CACNB2: variants seen among roughly 807,000 people sequenced by gnomAD.
CACNB2 encodes calcium voltage-gated channel auxiliary subunit beta 2, also known as voltage-dependent L-type calcium channel subunit beta-2.
A neutral mutation model predicts 73.3 loss-of-function variants in CACNB2; 42 were observed. The ratio of observed to expected loss-of-function variants is 0.57; its 90% confidence interval spans 0.45 to 0.74. CACNB2 has a LOEUF of 0.74. CACNB2 is among the 30% of genes least tolerant of loss of function. The probability of loss-of-function intolerance (pLI) is 0.00; values close to 1 mark genes in which losing one functional copy is unlikely to be tolerated. For synonymous variants in CACNB2, 348 were observed against 310.3 expected (o/e 1.12, Z -1.28); for missense variants, 940 against 853.0 (o/e 1.10, Z -1.27).
chr10:18,256,312 G>A (rs112398972), intron 2 of CACNB2, among the ~76,000 whole-genome samples: 3,937 of 152,256 alleles, frequency 0.026, 170 homozygotes, highest in African/African-American at 0.091. Context: ...AAGTATACAA[G>A]CTCAAAAGCT....
intron 2 of CACNB2, among the ~76,000 whole-genome samples, chr10:18,359,439 T>C (rs2042057642): frequency 6.6e-6 from 1 of 151,336 alleles, no homozygotes; most frequent in Non-Finnish European, 1.5e-5. Context: ...GCCCGGCTAA[T>C]TTTTTTTTAT....
At chr10:18,192,073 T>C (rs931200979) in intron 2 of CACNB2, among the ~76,000 whole-genome samples, 3 of 151,622 alleles carry the variant, frequency 2.0e-5, no homozygotes, top group African/African-American at 4.8e-5. Context: ...GAATCTAGGA[T>C]GCTAGATAAG....
At chr10:18,182,333 AT>A (rs1044415835) in intron 2 of CACNB2, among the ~76,000 whole-genome samples, 3 of 151,200 alleles carry the variant, frequency 2.0e-5, no homozygotes, top group Non-Finnish European at 3.0e-5. Context: ...TCAAAAAAAA[AT>A]TTTTTTTTGA....
intron 5 of CACNB2, among the ~76,000 whole-genome samples, chr10:18,505,429 A>G (rs143702360): frequency 3.9e-5 from 6 of 152,328 alleles, no homozygotes; most frequent in African/African-American, 1.2e-4. Flanking sequence ...CCTCCTGCTA[A>G]TTGCCTAATA....
rs147765845 is a variant in CACNB2 at position 18,169,174 on chromosome 10, T to G, written c.213+18199T>G. 5.3e-3 allele frequency among the ~76,000 whole-genome samples: 794 copies of G among 148,600 alleles called. 6 individuals carry two copies. The highest frequency in any genetic ancestry group is 0.019 in the African/African-American group (749 of 39,956). ...AAAAGAAACTGATTCTTCTTTTTTA[T>G]TATATTTTTGGCATATATATTTTTA... On this transcript the variant is annotated intron_variant, in intron 2 of 13. Coordinates refer to ENST00000324631, the MANE Select transcript of CACNB2 (RefSeq NM_201596.3).
intron 2 of CACNB2, among the ~76,000 whole-genome samples, chr10:18,184,659 T>G (rs1398237069): frequency 2.7e-5 from 4 of 147,422 alleles, no homozygotes; most frequent in African/African-American, 7.4e-5. Flanking sequence ...GTTTTTTTTT[T>G]TTTTTTTTTT....
At chr10:18,488,469 C>A (rs2132911884) in intron 3 of CACNB2, among the ~76,000 whole-genome samples, 1 of 84,020 alleles carries the variant, frequency 1.2e-5, no homozygotes, top group Admixed American at 1.4e-4. Context: ...AGCGAGACTC[C>A]ATCTCAAAAA....
At chr10:18,195,381 C>T (rs2034578805) in intron 2 of CACNB2, among the ~76,000 whole-genome samples, 1 of 152,148 alleles carries the variant, frequency 6.6e-6, no homozygotes, top group Non-Finnish European at 1.5e-5. Flanking sequence ...TGACCCACCC[C>T]AGCTATCAGA....
intron 2 of CACNB2, among the ~76,000 whole-genome samples, chr10:18,197,269 C>G (rs2034668055): frequency 6.6e-6 from 1 of 152,130 alleles, no homozygotes; most frequent in South Asian, 2.1e-4. Flanking sequence ...TCCCTTCCTT[C>G]TCATCCTCTC....
At chr10:18,446,228 G>A (rs1053425434) in intron 3 of CACNB2, among the ~76,000 whole-genome samples, 11 of 152,290 alleles carry the variant, frequency 7.2e-5, no homozygotes, top group Admixed American at 7.2e-4. Flanking sequence ...GGGAAGGAAA[G>A]GGATGGCAGT....
chr10:18,463,549 G>A (rs991674299), intron 3 of CACNB2, among the ~76,000 whole-genome samples: 1 of 151,826 alleles, frequency 6.6e-6, no homozygotes, highest in Non-Finnish European at 1.5e-5. Flanking sequence ...GGAGTAGCTG[G>A]GATTGCAGGT....
intron 2 of CACNB2, among the ~76,000 whole-genome samples, chr10:18,288,668 G>A (rs1445139764): frequency 1.4e-5 from 1 of 73,162 alleles, no homozygotes; most frequent in Non-Finnish European, 2.8e-5. Context: ...TGCAGCAAAT[G>A]AGATTTATAC....
At chr10:18,309,607 G>A (rs907917301) in intron 2 of CACNB2, among the ~76,000 whole-genome samples, 6 of 151,978 alleles carry the variant, frequency 3.9e-5, no homozygotes, top group Non-Finnish European at 5.9e-5. Context: ...ACAGTCCCGC[G>A]CCACCATGCC....
At chr10:18,334,112 T>A (rs1354118252) in intron 2 of CACNB2, among the ~76,000 whole-genome samples, 1 of 152,178 alleles carries the variant, frequency 6.6e-6, no homozygotes, top group Non-Finnish European at 1.5e-5. Context: ...TGAGCATGCA[T>A]CTAGTTATAA....
At chr10:18,339,976 T>C (rs1049888932) in intron 2 of CACNB2, among the ~76,000 whole-genome samples, 1 of 152,190 alleles carries the variant, frequency 6.6e-6, no homozygotes, top group African/African-American at 2.4e-5. Flanking sequence ...CCATGATGGA[T>C]GCAAAATGGT....
At chr10:18,351,305 G>T (rs2041696438) in intron 2 of CACNB2, among the ~76,000 whole-genome samples, 1 of 152,088 alleles carries the variant, frequency 6.6e-6, no homozygotes, top group Non-Finnish European at 1.5e-5. Flanking sequence ...CAGATGAGAA[G>T]ACAATTAATT....
In CACNB2 at chr10:18,228,159, A is replaced by C. The variant is rs565325130; in HGVS notation, c.213+77184A>C. ...AAAAATAGGCCGGACGCGGTGACTC[A>C]CGCCTTGTAATCCTAGCACTTAGGG... On this transcript the variant is annotated intron_variant, in intron 2 of 13. Transcript: ENST00000324631. 2.0e-5 allele frequency among the ~76,000 whole-genome samples: 3 copies of C among 152,264 alleles called. No individual in the cohort carries two copies. The South Asian group carries it at 6.2e-4, about 32-fold the overall frequency.
At chr10:18,337,483 A>C (rs2041054368) in intron 2 of CACNB2, among the ~76,000 whole-genome samples, 1 of 152,244 alleles carries the variant, frequency 6.6e-6, no homozygotes, top group African/African-American at 2.4e-5. Context: ...TAATGGCCAC[A>C]GTGGTCTAGC....
In CACNB2 at chr10:18,229,947, A is replaced by G. The variant is rs11013092; in HGVS notation, c.213+78972A>G. On this transcript the variant is annotated intron_variant, in intron 2 of 13. Coordinates refer to ENST00000324631, the MANE Select transcript of CACNB2 (RefSeq NM_201596.3). ...TATCGAAACTCGACACCCACTTTCA[A>G]AACAGCAAGCATAGAGAAATCTTGT... is the stretch of plus-strand genomic sequence containing the variant. 4.0e-3 allele frequency among the ~76,000 whole-genome samples: 614 copies of G among 152,280 alleles called. 6 individuals carry two copies. In the East Asian group the frequency reaches 0.045, roughly 11 times the overall value.
Sources: allele counts gnomAD v4.1 joint callset (sites outside exome capture counted in the v4.1 genomes callset), GRCh38; gene constraint gnomAD v4.1.1; transcripts MANE v1.5; gene names NCBI Gene and HGNC (gene_info 2026-07-23, HGNC 2026-07-21).